The following SH3BP4 variants were observed in gnomAD, a reference collection of about 807,000 sequenced individuals.
SH3BP4 encodes SH3 domain-binding protein 4.
In SH3BP4, 33 loss-of-function variants were observed where a neutral mutation model predicts 65.5. The ratio of observed to expected loss-of-function variants is 0.50; its 90% CI spans 0.38 to 0.67. The LOEUF is 0.67. SH3BP4 is among the 30% of genes least tolerant of loss of function. The pLI is 0.00. For missense variants in SH3BP4, 1,134 were observed against 1,261.4 expected (o/e 0.90, Z 1.53); for synonymous variants, 552 against 545.5 (o/e 1.01, Z -0.17).
chr2:234,980,184 GA>G (rs1479009220), intron 1 of SH3BP4, among the ~76,000 whole-genome samples: 1 of 152,138 alleles, frequency 6.6e-6, no homozygotes, highest in Non-Finnish European at 1.5e-5. Context: ...ATCTGCAGGG[GA>G]TACAGGGCCC....
At chr2:234,986,748 C>T (rs915570818) in intron 1 of SH3BP4, among the ~76,000 whole-genome samples, 13 of 151,978 alleles carry the variant, frequency 8.6e-5, no homozygotes, top group Admixed American at 3.3e-4. Flanking sequence ...TTGTGAAAAG[C>T]GACCGAGAGG....
chr2:234,988,934 A>C (rs1693668154), intron 1 of SH3BP4, among the ~76,000 whole-genome samples: 1 of 152,208 alleles, frequency 6.6e-6, no homozygotes, highest in African/African-American at 2.4e-5. Flanking sequence ...TCTGCATAAG[A>C]AAATGTAACA....
intron 2 of SH3BP4, among the ~76,000 whole-genome samples, chr2:234,998,646 CCT>C (rs1197790604): frequency 2.0e-5 from 3 of 152,232 alleles, no homozygotes; most frequent in Non-Finnish European, 2.9e-5. Flanking sequence ...GTCACCACCG[CCT>C]CTCTCTCGTT....
intron 1 of SH3BP4, among the ~76,000 whole-genome samples, chr2:234,972,910 A>G (rs982125704): frequency 6.6e-6 from 1 of 152,012 alleles, no homozygotes; most frequent in Non-Finnish European, 1.5e-5. Flanking sequence ...GATTGTTGAG[A>G]GTGAATGTAG....
chr2:235,041,357 C>G lies in SH3BP4; in HGVS notation c.588C>G (p.Asp196Glu). The change falls in exon 4 of 6, where the codon GAC becomes GAG. Residue 196 changes from aspartate to glutamate, a missense_variant. By Grantham distance (45) the Asp-to-Glu change is conservative. Coordinates refer to ENST00000392011, the MANE Select transcript of SH3BP4 (RefSeq NM_014521.3). This position sits in a 1 kb window ranked among gnomAD's most constrained non-coding sequence, Gnocchi z 6.0. The stretch of plus-strand genomic sequence containing the variant: ...GTACTGTGGATTTGCTCCTTTTTGA[C>G]GCAGGTACATCCTCCTTCACCGAAT... ...PKSTVDLLLF[D>E]AGTSSFTESS... The G allele has an allele frequency of 6.2e-7, 1 of 1,614,180 alleles. No homozygotes were observed. Among genetic ancestry groups the G allele is most frequent in the Non-Finnish European group, 8.5e-7 (1 of 1,180,034 alleles).
At chr2:235,037,336 T>C (rs11693711) in intron 3 of SH3BP4, among the ~76,000 whole-genome samples, 10 of 152,206 alleles carry the variant, frequency 6.6e-5, no homozygotes, top group Admixed American at 2.6e-4. Flanking sequence ...GAAGGGGGAA[T>C]CACACAACAG....
chr2:235,051,503 A>G (rs1192395564), intron 4 of SH3BP4, among the ~76,000 whole-genome samples: 2 of 152,056 alleles, frequency 1.3e-5, no homozygotes, highest in African/African-American at 4.8e-5. Flanking sequence ...TGTCTGTCCT[A>G]TTACCTCCCC....
rs60242472 is a variant in SH3BP4 at position 235,004,932 on chromosome 2, C to A, written c.-133+9556C>A. On this transcript the variant is annotated intron_variant, in intron 2 of 5. Transcript: ENST00000392011. ...TGGCTTTTGATTCCTTCTCCTCCAC[C>A]CCATGCCTATCCCCAGGATTTTATG... Among the ~76,000 whole-genome samples, 557 of 152,264 alleles carry A rather than the reference C, an allele frequency of 3.7e-3. 1 individual carries two copies. Among genetic ancestry groups the A allele is most frequent in the Middle Eastern group, 0.02 (6 of 294 alleles).
intron 2 of SH3BP4, among the ~76,000 whole-genome samples, chr2:235,014,049 T>C (rs1400898084): frequency 6.6e-6 from 1 of 152,178 alleles, no homozygotes; most frequent in Non-Finnish European, 1.5e-5. Context: ...TACTAAAAGG[T>C]TTATCATAAT....
chr2:234,953,976 T>C (rs1391381938), intron 1 of SH3BP4, among the ~76,000 whole-genome samples: 2 of 151,750 alleles, frequency 1.3e-5, no homozygotes, highest in Non-Finnish European at 2.9e-5. Flanking sequence ...GGACCCCAGA[T>C]TGCCCACTGC....
intron 2 of SH3BP4, among the ~76,000 whole-genome samples, chr2:235,017,660 C>T (rs773653510): frequency 1.1e-4 from 16 of 152,092 alleles, no homozygotes; most frequent in Non-Finnish European, 2.4e-4. Context: ...TTTCTGCACA[C>T]GTGCTTATCT....
rs558547128 is a variant in SH3BP4 at position 234,979,221 on chromosome 2, A to G, written c.-206-16082A>G. 7.3e-4 allele frequency among the ~76,000 whole-genome samples: 111 copies of G among 152,332 alleles called. No homozygotes were observed. In the Middle Eastern group the frequency reaches 0.014, roughly 19 times the overall value. On this transcript the variant is annotated intron_variant, in intron 1 of 5. Coordinates refer to ENST00000392011, the MANE Select transcript of SH3BP4 (RefSeq NM_014521.3). Reference sequence around the variant, plus strand: ...TTGTGTAGCCACTACTCAGGCCAAGAAATGGAACTTAACTTTGAAATTCCC... The same window carrying G: ...TTGTGTAGCCACTACTCAGGCCAAGGAATGGAACTTAACTTTGAAATTCCC...
At chr2:235,011,157 TAGGAGAACCCTTCCTCCCTCTCCTAGG>T (rs1694488777) in intron 2 of SH3BP4, among the ~76,000 whole-genome samples, 1 of 98,486 alleles carries the variant, frequency 1.0e-5, no homozygotes, top group Admixed American at 8.6e-5. Context: ...CTCCCTCTCC[TAGGAGAACCCTTCCTCCCTCTCCTAGG>T]AGAACCCTTC....
chr2:235,027,001 T>A (rs1695022165), intron 2 of SH3BP4, among the ~76,000 whole-genome samples: 2 of 152,228 alleles, frequency 1.3e-5, no homozygotes, highest in Non-Finnish European at 2.9e-5. Context: ...CGATAGACAG[T>A]GCTCCAGGAG....
At chr2:235,009,431 G>T (rs1694403363) in intron 2 of SH3BP4, among the ~76,000 whole-genome samples, 1 of 152,222 alleles carries the variant, frequency 6.6e-6, no homozygotes, top group Admixed American at 6.5e-5. Context: ...AGGGGCCGTG[G>T]TGTGGTGTGC....
intron 3 of SH3BP4, among the ~76,000 whole-genome samples, chr2:235,038,374 TAC>T (rs1207957372): frequency 0.043 from 1,767 of 40,666 alleles, 216 homozygotes; most frequent in African/African-American, 0.23. Flanking sequence ...ATAATATATA[TAC>T]ATATATATAT....
At chr2:234,995,428 A>C (rs188511094) in intron 2 of SH3BP4, 52 bp downstream of exon 2, 1 of 152,298 alleles carries the variant, frequency 6.6e-6, no homozygotes, top group East Asian at 1.9e-4. Flanking sequence ...GACCCGCTTT[A>C]CCATGTCATG....
intron 2 of SH3BP4, among the ~76,000 whole-genome samples, chr2:235,014,399 G>T (rs1424203107): frequency 6.6e-6 from 1 of 152,196 alleles, no homozygotes; most frequent in African/African-American, 2.4e-5. Flanking sequence ...GGGAAGAAGT[G>T]CCCACATGGC....
At position 234,974,098 on chromosome 2, in the gene SH3BP4, G is replaced by T. The variant is rs1693094042; in HGVS notation, c.-206-21205G>T. On this transcript the variant is annotated intron_variant, in intron 1 of 5. Coordinates refer to ENST00000392011, the MANE Select transcript of SH3BP4 (RefSeq NM_014521.3). The surrounding 1 kb of genome is among the most constrained non-coding windows in gnomAD (Gnocchi z 4.6). ...GATTTGTGAAGGACCTGGCGCAGTGGCTCACCCCTGTAATCCCAGCACTTT... is the reference window on the plus strand; with the variant it reads ...GATTTGTGAAGGACCTGGCGCAGTGTCTCACCCCTGTAATCCCAGCACTTT... Among the ~76,000 whole-genome samples the T allele has an allele frequency of 6.6e-6, 1 of 152,054 alleles. No homozygotes were observed. The highest frequency in any genetic ancestry group is 6.6e-5 in the Admixed American group (1 of 15,262).
Sources: gnomAD v4.1 joint callset for allele counts (sites outside exome capture counted in the v4.1 genomes callset) on GRCh38, gnomAD v4.1.1 for gene constraint, Gnocchi (gnomAD v3.1) non-coding constraint, MANE v1.5 for transcripts, NCBI Gene and HGNC (gene_info 2026-07-23, HGNC 2026-07-21) for gene names.